Variants in RBFOX1 observed in about 807,000 individuals in gnomAD.
RBFOX1 encodes RNA binding protein fox-1 homolog 1.
Under a neutral mutation model 57.7 loss-of-function variants are expected in RBFOX1, and 8 were observed. That is an observed-to-expected ratio of 0.14 (90% confidence interval 0.08 to 0.25). The LOEUF (loss-of-function observed/expected upper bound fraction) is 0.25. RBFOX1 is among the 10% of genes least tolerant of loss of function. The pLI is 1.00. For synonymous variants in RBFOX1, 326 were observed against 222.4 expected (o/e 1.47, Z -4.15); for missense variants, 611 against 548.5 (o/e 1.11, Z -1.14).
intron 1 of RBFOX1, among the ~76,000 whole-genome samples, chr16:6,108,275 G>T (rs1241704461): frequency 6.6e-6 from 1 of 152,102 alleles, no homozygotes; most frequent in Admixed American, 6.5e-5. Context: ...GGTTATAGAA[G>T]AGGGCCCCGG....
intron 3 of RBFOX1, among the ~76,000 whole-genome samples, chr16:6,903,708 A>G (rs1051234095): frequency 6.6e-6 from 1 of 152,148 alleles, no homozygotes; most frequent in Non-Finnish European, 1.5e-5. Context: ...AGGGCAGCAG[A>G]GCAAGCACTG....
intron 4 of RBFOX1, among the ~76,000 whole-genome samples, chr16:7,468,863 G>C (rs1364566302): frequency 6.6e-6 from 1 of 152,108 alleles, no homozygotes; most frequent in Non-Finnish European, 1.5e-5. Context: ...GAGGTTGCGA[G>C]GATCACAGGG....
intron 3 of RBFOX1, among the ~76,000 whole-genome samples, chr16:5,796,938 C>T (rs1479512377): frequency 1.3e-5 from 2 of 152,190 alleles, no homozygotes; most frequent in African/African-American, 2.4e-5. Flanking sequence ...TTGTGCCAAG[C>T]ACTGCAGAAG....
At chr16:6,753,003 C>T (rs9928832) in intron 3 of RBFOX1, among the ~76,000 whole-genome samples, 2,424 of 152,140 alleles carry the variant, frequency 0.016, 62 homozygotes, top group African/African-American at 0.056. Context: ...ATTTCAAATA[C>T]ACAATTGTGC....
intron 1 of RBFOX1, among the ~76,000 whole-genome samples, chr16:5,269,253 G>C (rs551597798): frequency 6.6e-6 from 1 of 152,330 alleles, no homozygotes; most frequent in South Asian, 2.1e-4. Flanking sequence ...ATCCTTATGG[G>C]TATGATGTGG....
chr16:5,772,683 G>A (rs566645856), intron 3 of RBFOX1, among the ~76,000 whole-genome samples: 149 of 152,322 alleles, frequency 9.8e-4, no homozygotes, highest in African/African-American at 1.5e-3. Context: ...AAGGAGAAAC[G>A]ATAGTTTGGA....
intron 3 of RBFOX1, among the ~76,000 whole-genome samples, chr16:6,949,231 TA>T (rs1195123382): frequency 3.9e-5 from 6 of 152,170 alleles, no homozygotes; most frequent in African/African-American, 1.2e-4. Context: ...AACAAGCCTA[TA>T]AAAAGCACCT....
chr16:5,987,785 T>C (rs1368552210), intron 4 of RBFOX1, among the ~76,000 whole-genome samples: 1 of 152,194 alleles, frequency 6.6e-6, no homozygotes, highest in Admixed American at 6.6e-5. Context: ...GAATGTCCAA[T>C]TGCAACAGCA....
At chr16:6,177,503 C>T (rs2097021703) in intron 1 of RBFOX1, among the ~76,000 whole-genome samples, 1 of 152,010 alleles carries the variant, frequency 6.6e-6, no homozygotes, top group African/African-American at 2.4e-5. Flanking sequence ...TGTTTCATAA[C>T]AAATATATAT....
chr16:6,138,824 G>A (rs1055986187), intron 1 of RBFOX1, among the ~76,000 whole-genome samples: 3 of 152,238 alleles, frequency 2.0e-5, no homozygotes, highest in Admixed American at 6.5e-5. Flanking sequence ...CCGAGATTGC[G>A]CCGCTGCACT....
intron 3 of RBFOX1, among the ~76,000 whole-genome samples, chr16:7,018,176 C>T (rs908441692): frequency 9.9e-5 from 15 of 152,190 alleles, no homozygotes; most frequent in East Asian, 5.8e-4. Context: ...TTCCACGAGC[C>T]GTGCATTCGT....
chr16:5,878,129 A>G (rs927409477), intron 4 of RBFOX1, among the ~76,000 whole-genome samples: 3 of 152,124 alleles, frequency 2.0e-5, no homozygotes, highest in Non-Finnish European at 2.9e-5. Flanking sequence ...GACTGTGTGT[A>G]TGGATAAGGG....
intron 5 of RBFOX1, among the ~76,000 whole-genome samples, chr16:7,530,858 G>A (rs2079884606): frequency 6.6e-6 from 1 of 152,162 alleles, no homozygotes; most frequent in Non-Finnish European, 1.5e-5. Context: ...ATGCTCATGG[G>A]TTCTCTGGCT....
intron 4 of RBFOX1, among the ~76,000 whole-genome samples, chr16:7,450,348 C>G (rs149973107): frequency 7.0e-6 from 1 of 142,434 alleles, no homozygotes; most frequent in East Asian, 2.2e-4. Context: ...GAGCCGCAAT[C>G]GCGCCATTGC....
At chr16:6,182,775 C>T (rs892692096) in intron 1 of RBFOX1, among the ~76,000 whole-genome samples, 2 of 152,118 alleles carry the variant, frequency 1.3e-5, no homozygotes, top group Admixed American at 6.5e-5. Context: ...CCTTTATGCT[C>T]TTACTGAAAC....
At chr16:7,504,967 C>T (rs1248142809) in intron 4 of RBFOX1, among the ~76,000 whole-genome samples, 1 of 149,534 alleles carries the variant, frequency 6.7e-6, no homozygotes, top group Non-Finnish European at 1.5e-5. Context: ...GCCTTTCCAG[C>T]GCGAAATGCT....
At chr16:7,199,247 G>A (rs937948188) in intron 4 of RBFOX1, among the ~76,000 whole-genome samples, 15 of 152,256 alleles carry the variant, frequency 9.9e-5, no homozygotes, top group African/African-American at 3.6e-4. Flanking sequence ...AACCAGACAA[G>A]ATTTCCTTCA....
intron 3 of RBFOX1, among the ~76,000 whole-genome samples, chr16:5,651,993 G>A (rs973357143): frequency 2.6e-5 from 4 of 152,118 alleles, no homozygotes; most frequent in African/African-American, 9.7e-5. Context: ...AAATAGCCGG[G>A]CTTGGTGACA....
chr16:5,700,283 C>T (rs73518004), intron 3 of RBFOX1, among the ~76,000 whole-genome samples: 11,049 of 152,004 alleles, frequency 0.073, 1,335 homozygotes, highest in African/African-American at 0.25. Context: ...TTCAAAAGCC[C>T]ACTTTGACAG....
Sources: gnomAD v4.1 joint callset for allele counts (sites outside exome capture counted in the v4.1 genomes callset) on GRCh38, gnomAD v4.1.1 for gene constraint, MANE v1.5 for transcripts, NCBI Gene and HGNC (gene_info 2026-07-23, HGNC 2026-07-21) for gene names.